The following EXTL2 variants were observed in gnomAD, a reference collection of about 807,000 sequenced individuals.
EXTL2 encodes the protein exostosin like glycosyltransferase 2, also known as exostosin-like 2.
Under a neutral mutation model 30.7 loss-of-function variants are expected in EXTL2, and 23 were observed. The observed-to-expected ratio is 0.75, with a 90% CI of 0.54 to 1.06. The LOEUF (loss-of-function observed/expected upper bound fraction) is 1.06. Among genes scored for constraint, EXTL2 ranks in the 50% least tolerant of loss-of-function variants. The pLI, the probability that EXTL2 is intolerant of heterozygous loss-of-function variation, is 0.00. For missense variants in EXTL2, 352 were observed against 396.3 expected (o/e 0.89, Z 0.95); for synonymous variants, 123 against 133.8 (o/e 0.92, Z 0.56).
intron 1 of EXTL2, among the ~76,000 whole-genome samples, chr1:100,891,142 C>T (rs1052505482): frequency 6.6e-6 from 1 of 152,166 alleles, no homozygotes. Flanking sequence ...AAGAATATAT[C>T]TATATTTCCC....
At chr1:100,879,426 T>A (rs1275107083) in intron 2 of EXTL2, among the ~76,000 whole-genome samples, 1 of 152,138 alleles carries the variant, frequency 6.6e-6, no homozygotes, top group African/African-American at 2.4e-5. Flanking sequence ...GAAATTTACT[T>A]ATGAAAAGAA....
intron 1 of EXTL2, among the ~76,000 whole-genome samples, chr1:100,894,300 T>C (rs1186339633): frequency 6.6e-6 from 1 of 152,116 alleles, no homozygotes; most frequent in African/African-American, 2.4e-5. Flanking sequence ...ATTCAAGGTC[T>C]ACTGCTAATA....
intron 2 of EXTL2, among the ~76,000 whole-genome samples, chr1:100,881,312 T>C (rs527542067): frequency 6.6e-6 from 1 of 152,292 alleles, no homozygotes; most frequent in African/African-American, 2.4e-5. Context: ...AATGATGACT[T>C]TATGGCTAGA....
chr1:100,872,902 T>C lies in EXTL2; in HGVS notation c.*1040A>G, dbSNP rs576058058. The C allele has an allele frequency of 1.3e-4, 20 of 152,184 alleles. No homozygotes were observed. Among genetic ancestry groups the C allele is most frequent in the African/African-American group, 4.6e-4 (19 of 41,560 alleles). 9.4% of individuals were successfully genotyped at this position (152,184 alleles called of 1,614,324 possible). ...TTCCTCTGTTATGACTGGGTTCTTA[T>C]TTTCTCCTCCTTGTATGTAGTTGAA... On this transcript the variant is annotated 3_prime_UTR_variant, in exon 5 of 5. Coordinates refer to ENST00000370114, the MANE Select transcript of EXTL2 (RefSeq NM_001033025.3).
chr1:100,884,677 C>G (rs1649826560), intron 2 of EXTL2, among the ~76,000 whole-genome samples: 1 of 152,182 alleles, frequency 6.6e-6, no homozygotes, highest in South Asian at 2.1e-4. Flanking sequence ...ATCTGACAAA[C>G]TCTTACTCCC....
rs753832321 is a variant in EXTL2, at chr1:100,877,725, T to C, written c.184A>G (p.Thr62Ala). 1 of 1,613,618 alleles carries C rather than the reference T, an allele frequency of 6.2e-7. No homozygotes were observed. Among genetic ancestry groups the C allele is most frequent in the Non-Finnish European group, 8.5e-7 (1 of 1,179,698 alleles). Residue 62 changes from threonine to alanine, a missense_variant, in exon 3 of 5, where the codon ACC becomes GCC. By Grantham distance (58) the Thr-to-Ala change is moderately conservative. Coordinates refer to ENST00000370114, the MANE Select transcript of EXTL2 (RefSeq NM_001033025.3). This position sits in a 1 kb window ranked among gnomAD's most constrained non-coding sequence, Gnocchi z 4.1. ...RREIKSQGKS[T>A]MDSFTLIMQT... ...ATTATGAGAGTAAAGGAGTCCATGG[T>C]GGACTTGCCCTGGGATTTTATTTCC... is the stretch of plus-strand genomic sequence containing the variant.
chr1:100,881,184 C>T lies in EXTL2; in HGVS notation c.6-3281G>A, dbSNP rs79517265. 485 of 351,576 alleles carry T rather than the reference C, an allele frequency of 1.4e-3. 15 individuals are homozygous for T. The East Asian group carries it at 0.061, about 44-fold the overall frequency. 21.8% of individuals were successfully genotyped at this position (351,576 alleles called of 1,614,324 possible). On this transcript the variant is annotated intron_variant, in intron 2 of 4. Transcript: ENST00000370114. ...AAATTTTAGTTTGCATAGTAAAGTA[C>T]GAAAAGCAAGGACTTTATAGACTGT...
chr1:100,876,727 G>A, intron 4 of EXTL2, 67 bp downstream of exon 4: 1 of 1,037,476 alleles, frequency 9.6e-7, no homozygotes, highest in Non-Finnish European at 1.5e-6. Context: ...TATTAACCAT[G>A]TTGCCGTGGT....
At chr1:100,884,949 G>A (rs1317413206) in intron 2 of EXTL2, among the ~76,000 whole-genome samples, 2 of 152,224 alleles carry the variant, frequency 1.3e-5, no homozygotes, top group African/African-American at 4.8e-5. Context: ...TTAAATGAGG[G>A]AATTTATGTC....
intron 2 of EXTL2, chr1:100,878,504 G>C (rs1649307886): frequency 2.1e-6 from 1 of 469,510 alleles, no homozygotes; most frequent in Non-Finnish European, 4.4e-6. Flanking sequence ...TAGCAGAGGA[G>C]ATGATAGGGA....
At chr1:100,892,184 G>A (rs1462434237) in intron 1 of EXTL2, among the ~76,000 whole-genome samples, 1 of 152,148 alleles carries the variant, frequency 6.6e-6, no homozygotes, top group Non-Finnish European at 1.5e-5. Context: ...TAACATTTGA[G>A]TCAGTGGACT....
In EXTL2 at chr1:100,879,996, A is replaced by G. The variant is rs77987104; in HGVS notation, c.6-2093T>C. Among the ~76,000 whole-genome samples the G allele has an allele frequency of 5.3e-5, 8 of 152,222 alleles. No homozygotes were observed. In the East Asian group the frequency reaches 1.5e-3, roughly 29 times the overall value. On this transcript the variant is annotated intron_variant, in intron 2 of 4. Coordinates refer to ENST00000370114, the MANE Select transcript of EXTL2 (RefSeq NM_001033025.3). ...TTACTTTCCTAATGATATCTACTCA[A>G]CATTTTGTTTTTCACTGAGGAGACT...
intron 2 of EXTL2, among the ~76,000 whole-genome samples, chr1:100,887,978 G>A (rs566995923): frequency 2.6e-5 from 4 of 152,310 alleles, no homozygotes; most frequent in Admixed American, 2.0e-4. Context: ...AATTACAGGC[G>A]TGAGCCACCG....
rs1337152550 is a variant in EXTL2 at position 100,872,522 on chromosome 1, T to C, written c.*1420A>G. 6.6e-6 allele frequency: 1 copy of C among 152,462 alleles called. No homozygotes were observed. Among genetic ancestry groups the C allele is most frequent in the Non-Finnish European group, 1.5e-5 (1 of 67,974 alleles). 9.4% of individuals were successfully genotyped at this position (152,462 alleles called of 1,614,324 possible). A position where few individuals can be genotyped will look rare whatever the true frequency, so the allele number is the denominator to read the frequency against. ...TTCTTAGTTTCTTTGTTTTTGTTTT[T>C]TACAATCTGACTGCATTAAGACACA... On this transcript the variant is annotated 3_prime_UTR_variant, in exon 5 of 5. Coordinates refer to ENST00000370114, the MANE Select transcript of EXTL2 (RefSeq NM_001033025.3).
Position 100,873,928 on chromosome 1 carries a change from T to C in EXTL2, c.*14A>G, listed in dbSNP as rs750719633. 7.0e-5 allele frequency: 108 copies of C among 1,542,516 alleles called. 1 individual carries two copies. Among genetic ancestry groups the C allele is most frequent in the South Asian group, 4.1e-4 (32 of 78,174 alleles). On this transcript the variant is annotated 3_prime_UTR_variant, in exon 5 of 5. Coordinates refer to ENST00000370114, the MANE Select transcript of EXTL2 (RefSeq NM_001033025.3). ...GCCAAGCAGTTTTCAGGTTTGTTTTTGTTTGTTTTACTTTTATATTTTTCT... is the reference window on the plus strand; with the variant it reads ...GCCAAGCAGTTTTCAGGTTTGTTTTCGTTTGTTTTACTTTTATATTTTTCT...
intron 1 of EXTL2, among the ~76,000 whole-genome samples, chr1:100,894,369 A>C (rs1328045257): frequency 1.3e-5 from 2 of 152,244 alleles, no homozygotes; most frequent in Admixed American, 1.3e-4. Flanking sequence ...TTCTACACTT[A>C]AATTAAAAGA....
At chr1:100,883,260 T>C (rs539198965) in intron 2 of EXTL2, among the ~76,000 whole-genome samples, 1 of 152,338 alleles carries the variant, frequency 6.6e-6, no homozygotes, top group African/African-American at 2.4e-5. Flanking sequence ...ATTTAAAGTA[T>C]ACAGTTCAGT....
At chr1:100,891,964 C>G (rs1351963937) in intron 1 of EXTL2, among the ~76,000 whole-genome samples, 1 of 152,180 alleles carries the variant, frequency 6.6e-6, no homozygotes, top group African/African-American at 2.4e-5. Context: ...GGTCTGATAT[C>G]TTTCACTGTC....
chr1:100,879,366 C>T (rs940217934), intron 2 of EXTL2, among the ~76,000 whole-genome samples: 16 of 152,114 alleles, frequency 1.1e-4, no homozygotes, highest in Non-Finnish European at 1.8e-4. Context: ...ATCTATTTTA[C>T]TACTCTATTC....
Sources: gnomAD v4.1 joint callset for allele counts (sites outside exome capture counted in the v4.1 genomes callset) on GRCh38, gnomAD v4.1.1 for gene constraint, Gnocchi (gnomAD v3.1) non-coding constraint, MANE v1.5 for transcripts, NCBI Gene and HGNC (gene_info 2026-07-23, HGNC 2026-07-21) for gene names.